The following UBE2E2 variants were observed in gnomAD, a reference collection of about 807,000 sequenced individuals.
UBE2E2 encodes ubiquitin-conjugating enzyme E2 E2.
A neutral mutation model predicts 24.7 loss-of-function variants in UBE2E2; 6 were observed. The observed-to-expected ratio is 0.24, with a 90% CI of 0.13 to 0.48. The LOEUF (loss-of-function observed/expected upper bound fraction) is 0.48, where lower values mean the gene tolerates loss of function less well. Ranked by LOEUF, UBE2E2 falls within the 20% of genes least tolerant of loss-of-function variation. The probability of loss-of-function intolerance (pLI) is 0.99; values close to 1 mark genes in which losing one functional copy is unlikely to be tolerated. For missense variants in UBE2E2, 169 were observed against 245.0 expected (o/e 0.69, Z 2.07); for synonymous variants, 104 against 83.6 (o/e 1.24, Z -1.33).
intron 5 of UBE2E2, among the ~76,000 whole-genome samples, chr3:23,541,807 A>G (rs561330022): frequency 6.6e-6 from 1 of 152,288 alleles, no homozygotes; most frequent in African/African-American, 2.4e-5. Flanking sequence ...CTATCTGACT[A>G]TGTGCCTATA....
rs561345525 is a variant in UBE2E2, at chr3:23,583,003, A to G, written c.509-6731A>G. On this transcript the variant is annotated intron_variant, in intron 5 of 5. Coordinates refer to ENST00000396703, the MANE Select transcript of UBE2E2 (RefSeq NM_152653.4). The surrounding 1 kb of genome is among the most constrained non-coding windows in gnomAD (Gnocchi z 4.1). ...GAGTCTTCATCATGGAATTTTTGCC[A>G]GGGCCTGTGTCCAGAATGGTATTTC... Among the ~76,000 whole-genome samples the G allele has an allele frequency of 6.6e-6, 1 of 152,070 alleles. No homozygotes were observed. The highest frequency in any genetic ancestry group is 1.9e-4 in the East Asian group (1 of 5,184).
In UBE2E2 at chr3:23,337,889, G is replaced by A. The variant is rs566569216; in HGVS notation, c.227+120577G>A. Reference sequence around the variant, plus strand: ...TGAGTGAAAGTAGAGTGATTAGTTTGTCTATTTAAAGGCTAAGCCCCTGGA... The same window carrying A: ...TGAGTGAAAGTAGAGTGATTAGTTTATCTATTTAAAGGCTAAGCCCCTGGA... On this transcript the variant is annotated intron_variant, in intron 3 of 5. Transcript: ENST00000396703. 3.9e-5 allele frequency among the ~76,000 whole-genome samples: 6 copies of A among 152,266 alleles called. 1 individual carries two copies. In the South Asian group the frequency reaches 1.2e-3, roughly 32 times the overall value.
At chr3:23,253,344 T>G (rs997398793) in intron 3 of UBE2E2, among the ~76,000 whole-genome samples, 1 of 152,208 alleles carries the variant, frequency 6.6e-6, no homozygotes, top group African/African-American at 2.4e-5. Context: ...ATACCCATGA[T>G]GACTGTGATA....
intron 5 of UBE2E2, among the ~76,000 whole-genome samples, chr3:23,569,262 A>G (rs544595445): frequency 1.7e-4 from 26 of 152,314 alleles, no homozygotes; most frequent in African/African-American, 5.8e-4. Flanking sequence ...AAGTTTTCAG[A>G]TTAGGGAACT....
chr3:23,264,804 T>G (rs1698000955), intron 3 of UBE2E2, among the ~76,000 whole-genome samples: 1 of 152,170 alleles, frequency 6.6e-6, no homozygotes, highest in African/African-American at 2.4e-5. Flanking sequence ...CAAGAAACAT[T>G]GTAGTAATTG....
rs545164832 is a variant in UBE2E2, at chr3:23,413,505, T to G, written c.228-86103T>G. Among the ~76,000 whole-genome samples the G allele has an allele frequency of 7.2e-5, 11 of 152,258 alleles. No homozygotes were observed. The East Asian group carries it at 1.9e-3, about 27-fold the overall frequency. ...TGCAGTGCCCCAGCCAGTCTGTACT[T>G]TATTTCCTTCAGCTTCTAATGTTTT... On this transcript the variant is annotated intron_variant, in intron 3 of 5. Coordinates refer to ENST00000396703, the MANE Select transcript of UBE2E2 (RefSeq NM_152653.4).
intron 3 of UBE2E2, among the ~76,000 whole-genome samples, chr3:23,281,200 ACACT>A (rs1467282204): frequency 6.6e-6 from 1 of 150,640 alleles, no homozygotes; most frequent in Non-Finnish European, 1.5e-5. Flanking sequence ...AGCAGAGGTA[ACACT>A]TACGTTAGTG....
intron 3 of UBE2E2, among the ~76,000 whole-genome samples, chr3:23,304,023 C>G (rs1699178324): frequency 6.6e-6 from 1 of 152,206 alleles, no homozygotes. Flanking sequence ...CTCTCCCTAT[C>G]TTTAGTCCAC....
intron 4 of UBE2E2, among the ~76,000 whole-genome samples, chr3:23,525,694 A>G (rs1042400415): frequency 2.3e-4 from 35 of 152,228 alleles, no homozygotes; most frequent in Non-Finnish European, 4.4e-5. Context: ...AACCCTTGCA[A>G]TGGAAGTGCA....
intron 3 of UBE2E2, among the ~76,000 whole-genome samples, chr3:23,345,755 A>G (rs1224347051): frequency 6.6e-6 from 1 of 152,220 alleles, no homozygotes; most frequent in African/African-American, 2.4e-5. Context: ...TGCCTTTACA[A>G]AATATTCTTC....
At chr3:23,352,696 TC>T (rs1284269666) in intron 3 of UBE2E2, among the ~76,000 whole-genome samples, 1 of 152,128 alleles carries the variant, frequency 6.6e-6, no homozygotes, top group Non-Finnish European at 1.5e-5. Flanking sequence ...AGAAGTTGAA[TC>T]TCTGAATAGA....
At chr3:23,586,151 C>T (rs1696620937) in intron 5 of UBE2E2, among the ~76,000 whole-genome samples, 1 of 152,094 alleles carries the variant, frequency 6.6e-6, no homozygotes, top group Non-Finnish European at 1.5e-5. Flanking sequence ...GCCTTTTTCT[C>T]CTTTCATGAA....
At chr3:23,466,128 A>C (rs1459914064) in intron 3 of UBE2E2, among the ~76,000 whole-genome samples, 1 of 152,208 alleles carries the variant, frequency 6.6e-6, no homozygotes, top group Non-Finnish European at 1.5e-5. Context: ...TAAAAATTAT[A>C]ATTATAAATG....
chr3:23,212,300 A>C (rs1162949160), intron 2 of UBE2E2, among the ~76,000 whole-genome samples: 2 of 152,178 alleles, frequency 1.3e-5, no homozygotes, highest in African/African-American at 4.8e-5. Flanking sequence ...GTTTCTTAAA[A>C]AATTGTCATG....
At chr3:23,247,579 C>G (rs1330275977) in intron 3 of UBE2E2, among the ~76,000 whole-genome samples, 2 of 152,180 alleles carry the variant, frequency 1.3e-5, no homozygotes, top group Admixed American at 1.3e-4. Flanking sequence ...GTCTCAAACT[C>G]TCAACCTCAG....
chr3:23,575,173 A>C (rs1478324287), intron 5 of UBE2E2, among the ~76,000 whole-genome samples: 2 of 152,152 alleles, frequency 1.3e-5, no homozygotes, highest in African/African-American at 4.8e-5. Flanking sequence ...TTCATATATT[A>C]TGTAGTTTGT....
intron 3 of UBE2E2, among the ~76,000 whole-genome samples, chr3:23,429,287 G>T (rs757608695): frequency 6.6e-6 from 1 of 152,156 alleles, no homozygotes; most frequent in Non-Finnish European, 1.5e-5. Context: ...AATTCATTCT[G>T]TGAGGCCACC....
chr3:23,396,303 T>TTA (rs34255787), intron 3 of UBE2E2, among the ~76,000 whole-genome samples: 8,867 of 127,972 alleles, frequency 0.069, 344 homozygotes, highest in Non-Finnish European at 0.078. Flanking sequence ...CATTTATTTT[T>TTA]TATATATATA....
chr3:23,457,332 C>G (rs1307843559), intron 3 of UBE2E2, among the ~76,000 whole-genome samples: 4 of 152,126 alleles, frequency 2.6e-5, no homozygotes, highest in Non-Finnish European at 5.9e-5. Context: ...TTTGAAATAA[C>G]AAAAGCTCAA....
Sources: gnomAD v4.1 joint callset for allele counts (sites outside exome capture counted in the v4.1 genomes callset) on GRCh38, gnomAD v4.1.1 for gene constraint, Gnocchi (gnomAD v3.1) non-coding constraint, MANE v1.5 for transcripts, NCBI Gene and HGNC (gene_info 2026-07-23, HGNC 2026-07-21) for gene names.